SLC35F4: variants seen among roughly 807,000 people sequenced by gnomAD.
SLC35F4 encodes solute carrier family 35 member F4.
In SLC35F4, 24 loss-of-function variants were observed where a neutral mutation model predicts 44.2. The observed-to-expected ratio is 0.54, with a 90% CI of 0.39 to 0.76. The LOEUF (loss-of-function observed/expected upper bound fraction) is 0.76, where lower values mean the gene tolerates loss of function less well. Ranked by LOEUF, SLC35F4 falls within the 30% of genes least tolerant of loss-of-function variation. The pLI is 0.00. For missense variants in SLC35F4, 562 were observed against 586.1 expected (o/e 0.96, Z 0.42); for synonymous variants, 238 against 223.6 (o/e 1.06, Z -0.57).
chr14:57,753,443 GTA>G (rs2140574588), intron 1 of SLC35F4, among the ~76,000 whole-genome samples: 1 of 152,212 alleles, frequency 6.6e-6, no homozygotes, highest in South Asian at 2.1e-4. Context: ...GCACTCTTCT[GTA>G]TCCTCTGAGG....
chr14:57,672,960 C>T (rs891485838), intron 1 of SLC35F4, among the ~76,000 whole-genome samples: 4 of 151,548 alleles, frequency 2.6e-5, no homozygotes, highest in African/African-American at 9.7e-5. Flanking sequence ...TTTCACTGTG[C>T]TAATTTAACA....
At chr14:57,777,017 C>T (rs1441141947) in intron 1 of SLC35F4, among the ~76,000 whole-genome samples, 2 of 152,144 alleles carry the variant, frequency 1.3e-5, no homozygotes, top group East Asian at 1.9e-4. Flanking sequence ...ATCAGTGACA[C>T]GATAAAGCAA....
At chr14:57,915,932 A>T (rs1203457149) in intron 1 of SLC35F4, among the ~76,000 whole-genome samples, 1 of 152,164 alleles carries the variant, frequency 6.6e-6, no homozygotes, top group Non-Finnish European at 1.5e-5. Context: ...CCCATCCCCA[A>T]GTTCCAACAC....
chr14:57,858,580 A>T (rs1887358667), intron 1 of SLC35F4, among the ~76,000 whole-genome samples: 1 of 151,920 alleles, frequency 6.6e-6, no homozygotes, highest in Admixed American at 6.5e-5. Context: ...ACCTAATGTA[A>T]ATGACGAGTT....
intron 1 of SLC35F4, among the ~76,000 whole-genome samples, chr14:57,925,996 T>A (rs1889562145): frequency 1.3e-5 from 2 of 152,196 alleles, no homozygotes; most frequent in South Asian, 4.1e-4. Flanking sequence ...TGTGCCTGAA[T>A]CACCATCTAC....
At chr14:57,956,637 A>T (rs1053489099) in intron 1 of SLC35F4, among the ~76,000 whole-genome samples, 1 of 152,238 alleles carries the variant, frequency 6.6e-6, no homozygotes, top group South Asian at 2.1e-4. Context: ...AAAGGATAAT[A>T]ACAGACACTT....
intron 3 of SLC35F4, among the ~76,000 whole-genome samples, chr14:57,585,809 C>G (rs2069670263): frequency 6.6e-6 from 1 of 152,162 alleles, no homozygotes; most frequent in African/African-American, 2.4e-5. Flanking sequence ...CAAACCACTG[C>G]TCAAGGAAAT....
chr14:57,802,488 G>C (rs917268134), intron 1 of SLC35F4, among the ~76,000 whole-genome samples: 2 of 137,606 alleles, frequency 1.5e-5, no homozygotes, highest in Non-Finnish European at 3.0e-5. Context: ...CAAGGAGATA[G>C]AGACACAAAA....
rs558400798 is a variant in SLC35F4 at position 57,750,699 on chromosome 14, T to C, written c.103+115024A>G. ...TTCTTTTGAGAAATGTCTATTCGTG[T>C]CCTTGGCCTGCTTTTTAATGGAATT... On this transcript the variant is annotated intron_variant, in intron 1 of 7. Coordinates refer to ENST00000556826, the MANE Select transcript of SLC35F4 (RefSeq NM_001306087.2). 2.6e-4 allele frequency among the ~76,000 whole-genome samples: 40 copies of C among 152,312 alleles called. 1 individual carries two copies. The South Asian group carries it at 7.1e-3, about 27-fold the overall frequency.
intron 1 of SLC35F4, among the ~76,000 whole-genome samples, chr14:57,918,521 C>T (rs1369324445): frequency 6.6e-6 from 1 of 152,174 alleles, no homozygotes; most frequent in African/African-American, 2.4e-5. Flanking sequence ...GACTTCCAAG[C>T]TTCTTACATG....
chr14:57,925,528 AG>A (rs1889549452), intron 1 of SLC35F4, among the ~76,000 whole-genome samples: 4 of 26,950 alleles, frequency 1.5e-4, no homozygotes, highest in Non-Finnish European at 2.9e-4. Flanking sequence ...GGAGGGAGGG[AG>A]GGAGGGAGGG....
At chr14:57,616,355 G>T (rs2071825497) in intron 1 of SLC35F4, among the ~76,000 whole-genome samples, 1 of 152,210 alleles carries the variant, frequency 6.6e-6, no homozygotes, top group African/African-American at 2.4e-5. Context: ...TGGCTAGTTT[G>T]ATGTCAAATG....
chr14:57,787,908 G>A (rs142729441), intron 1 of SLC35F4, among the ~76,000 whole-genome samples: 1 of 152,162 alleles, frequency 6.6e-6, no homozygotes, highest in African/African-American at 2.4e-5. Context: ...TGAATGTGAT[G>A]GTACCTCTTA....
At chr14:57,778,118 A>T (rs566934058) in intron 1 of SLC35F4, among the ~76,000 whole-genome samples, 3 of 152,260 alleles carry the variant, frequency 2.0e-5, no homozygotes, top group African/African-American at 4.8e-5. Flanking sequence ...GATGGTTTTT[A>T]AAAAAAGGAA....
At chr14:57,610,977 C>G (rs569663531) in intron 1 of SLC35F4, among the ~76,000 whole-genome samples, 1 of 152,272 alleles carries the variant, frequency 6.6e-6, no homozygotes, top group Non-Finnish European at 1.5e-5. Flanking sequence ...GTGAAGAACG[C>G]AAGAGTGGGT....
At chr14:57,890,486 C>A (rs1031547749) in intron 1 of SLC35F4, among the ~76,000 whole-genome samples, 1 of 152,176 alleles carries the variant, frequency 6.6e-6, no homozygotes, top group Admixed American at 6.5e-5. Context: ...CAAATTATAT[C>A]CCAGTGGAGA....
At chr14:57,657,341 G>C (rs1198357055) in intron 1 of SLC35F4, among the ~76,000 whole-genome samples, 1 of 152,180 alleles carries the variant, frequency 6.6e-6, no homozygotes, top group African/African-American at 2.4e-5. Context: ...TTCCAGCACT[G>C]ATGCTGATAC....
intron 1 of SLC35F4, among the ~76,000 whole-genome samples, chr14:57,712,215 G>A (rs1402608917): frequency 1.3e-5 from 2 of 152,218 alleles, no homozygotes; most frequent in African/African-American, 2.4e-5. Context: ...TTCTCGGGCT[G>A]TGTTCTCTGC....
chr14:57,725,514 T>C (rs189740754), intron 1 of SLC35F4, among the ~76,000 whole-genome samples: 3 of 152,314 alleles, frequency 2.0e-5, no homozygotes, highest in East Asian at 3.9e-4. Context: ...CTACCATCCA[T>C]AGACTCATGG....
Sources: allele counts gnomAD v4.1 joint callset (sites outside exome capture counted in the v4.1 genomes callset), GRCh38; gene constraint gnomAD v4.1.1; transcripts MANE v1.5; gene names NCBI Gene and HGNC (gene_info 2026-07-23, HGNC 2026-07-21).